LRRC4C: variants seen among roughly 807,000 people sequenced by gnomAD.
LRRC4C encodes the protein leucine-rich repeat-containing protein 4C.
Under a neutral mutation model 33.6 loss-of-function variants are expected in LRRC4C, and 5 were observed. That is an observed-to-expected ratio of 0.15 (90% CI 0.08 to 0.31). The LOEUF is 0.31. LRRC4C is among the 10% of genes least tolerant of loss of function. LRRC4C has a pLI of 1.00. For synonymous variants in LRRC4C, 329 were observed against 302.0 expected, an observed-to-expected ratio of 1.09 and a Z score of -0.93; for missense variants, 560 against 796.7, an observed-to-expected ratio of 0.70 and a Z score of 3.58.
chr11:40,696,225 C>T (rs1945503282), intron 2 of LRRC4C, among the ~76,000 whole-genome samples: 1 of 143,752 alleles, frequency 7.0e-6, no homozygotes, highest in Non-Finnish European at 1.5e-5. Flanking sequence ...ATGAATTAGC[C>T]AACAACTTCA....
chr11:41,037,098 T>C (rs956928137), intron 1 of LRRC4C, among the ~76,000 whole-genome samples: 2 of 152,194 alleles, frequency 1.3e-5, no homozygotes, highest in African/African-American at 4.8e-5. Flanking sequence ...TCATAACTTT[T>C]CCTTACGCAG....
At chr11:40,866,474 A>C (rs1182169089) in intron 2 of LRRC4C, among the ~76,000 whole-genome samples, 1 of 152,176 alleles carries the variant, frequency 6.6e-6, no homozygotes, top group Non-Finnish European at 1.5e-5. Flanking sequence ...TCATCACAAA[A>C]TGAATTGACT....
At chr11:41,194,198 A>C (rs1004664962) in intron 1 of LRRC4C, among the ~76,000 whole-genome samples, 1 of 152,294 alleles carries the variant, frequency 6.6e-6, no homozygotes, top group South Asian at 2.1e-4. Flanking sequence ...GTACTATAAC[A>C]TACAAAATAT....
intron 1 of LRRC4C, among the ~76,000 whole-genome samples, chr11:41,032,699 T>C (rs1217958819): frequency 6.6e-6 from 1 of 151,850 alleles, no homozygotes; most frequent in Non-Finnish European, 1.5e-5. Flanking sequence ...TAGATGTCAC[T>C]AATCATTTAG....
intron 2 of LRRC4C, among the ~76,000 whole-genome samples, chr11:40,928,466 G>A (rs1400307473): frequency 1.3e-5 from 2 of 152,036 alleles, no homozygotes; most frequent in African/African-American, 2.4e-5. Flanking sequence ...TATGGGAGTA[G>A]TGGAATATTT....
intron 1 of LRRC4C, among the ~76,000 whole-genome samples, chr11:41,345,591 A>G (rs1443364609): frequency 6.6e-6 from 1 of 152,196 alleles, no homozygotes; most frequent in Non-Finnish European, 1.5e-5. Context: ...AAGAAGTTAG[A>G]AATATTTTTT....
chr11:41,150,259 A>G (rs868335781), intron 1 of LRRC4C, among the ~76,000 whole-genome samples: 11 of 152,202 alleles, frequency 7.2e-5, no homozygotes, highest in Admixed American at 4.6e-4. Context: ...ATATCTGTCT[A>G]CAAGTATGAA....
intron 2 of LRRC4C, among the ~76,000 whole-genome samples, chr11:40,842,226 C>T (rs1057189610): frequency 1.3e-5 from 2 of 152,040 alleles, no homozygotes; most frequent in East Asian, 3.9e-4. Flanking sequence ...GGATTTTGAA[C>T]ACTACAACTC....
At chr11:41,123,127 T>C (rs912163023) in intron 1 of LRRC4C, 6 of 152,066 alleles carry the variant, frequency 3.9e-5, no homozygotes, top group African/African-American at 1.4e-4. Context: ...TATGCAAGTG[T>C]GGTGAGAGAG....
Position 41,428,483 on chromosome 11 carries a change from T to C in LRRC4C, c.-496+30948A>G, listed in dbSNP as rs536722783. Reference sequence around the variant, plus strand: ...AAGTTTCAAATGTTTACTAATATCCTTGTGGAGTTTCAACTTTCTGCCTAA... The same window carrying C: ...AAGTTTCAAATGTTTACTAATATCCCTGTGGAGTTTCAACTTTCTGCCTAA... On this transcript the variant is annotated intron_variant, in intron 1 of 6. Transcript: ENST00000528697. Among the ~76,000 whole-genome samples the C allele has an allele frequency of 2.0e-4, 30 of 152,278 alleles. 1 individual carries two copies. In the South Asian group the frequency reaches 6.0e-3, roughly 30 times the overall value.
chr11:41,219,277 C>T (rs928142766), intron 1 of LRRC4C, among the ~76,000 whole-genome samples: 2 of 152,112 alleles, frequency 1.3e-5, no homozygotes, highest in Non-Finnish European at 2.9e-5. Context: ...AAGAGAGTTG[C>T]TATGTGCAGT....
At chr11:41,385,594 G>T (rs1362538600) in intron 1 of LRRC4C, among the ~76,000 whole-genome samples, 1 of 151,636 alleles carries the variant, frequency 6.6e-6, no homozygotes, top group East Asian at 1.9e-4. Flanking sequence ...ATCTATTCAT[G>T]CTTGTGAGAT....
chr11:41,304,377 G>A (rs1351657651), intron 1 of LRRC4C, among the ~76,000 whole-genome samples: 1 of 95,980 alleles, frequency 1.0e-5, no homozygotes, highest in Non-Finnish European at 2.2e-5. Context: ...CCGGCCAGCC[G>A]CCCTGTCCGG....
intron 1 of LRRC4C, among the ~76,000 whole-genome samples, chr11:41,212,448 T>C (rs1421587447): frequency 2.0e-5 from 3 of 152,220 alleles, no homozygotes; most frequent in African/African-American, 7.2e-5. Flanking sequence ...TACATGTGCA[T>C]GATGTGCAGG....
In LRRC4C at chr11:40,295,885, C is replaced by T. The variant is rs369935890; in HGVS notation, c.-176+23743G>A. Among the ~76,000 whole-genome samples the T allele has an allele frequency of 4.6e-5, 7 of 152,150 alleles. No individual in the cohort carries two copies. In the East Asian group the frequency reaches 9.6e-4, roughly 21 times the overall value. ...TTAATTTGTGTTTTGAAGCTCTTACCCTTATATGCTAATTATAGTTTATCC... is the reference window on the plus strand; with the variant it reads ...TTAATTTGTGTTTTGAAGCTCTTACTCTTATATGCTAATTATAGTTTATCC... On this transcript the variant is annotated intron_variant, in intron 4 of 6. Transcript: ENST00000528697.
intron 1 of LRRC4C, among the ~76,000 whole-genome samples, chr11:41,398,969 CAG>C (rs1171979659): frequency 6.6e-6 from 1 of 151,850 alleles, no homozygotes; most frequent in African/African-American, 2.4e-5. Flanking sequence ...TATTCCTGTC[CAG>C]TTGAAAACAG....
At chr11:40,183,051 C>T (rs1375375335) in intron 5 of LRRC4C, among the ~76,000 whole-genome samples, 2 of 152,160 alleles carry the variant, frequency 1.3e-5, no homozygotes, top group African/African-American at 2.4e-5. Context: ...TTAACCACTA[C>T]ATATGCTACT....
intron 1 of LRRC4C, among the ~76,000 whole-genome samples, chr11:41,298,055 T>C (rs186059191): frequency 2.1e-4 from 32 of 152,276 alleles, no homozygotes; most frequent in African/African-American, 7.7e-4. Context: ...AGGTAAGAAA[T>C]GTGTGCGTCT....
intron 2 of LRRC4C, among the ~76,000 whole-genome samples, chr11:40,869,832 A>C (rs983975818): frequency 6.6e-6 from 1 of 152,146 alleles, no homozygotes; most frequent in Non-Finnish European, 1.5e-5. Flanking sequence ...TCTTCCAAGT[A>C]TACTTTCCTT....
Sources: allele counts gnomAD v4.1 joint callset (sites outside exome capture counted in the v4.1 genomes callset), GRCh38; gene constraint gnomAD v4.1.1; transcripts MANE v1.5; gene names NCBI Gene and HGNC (gene_info 2026-07-23, HGNC 2026-07-21).